Variants in CATSPERD observed in about 807,000 individuals in gnomAD.
CATSPERD encodes the protein catsper channel auxiliary subunit delta.
In CATSPERD, 86 loss-of-function variants were observed where a neutral mutation model predicts 98.1. The ratio of observed to expected loss-of-function variants is 0.88; its 90% confidence interval spans 0.74 to 1.05. CATSPERD has a LOEUF of 1.05. Ranked by LOEUF, CATSPERD falls within the 50% of genes least tolerant of loss-of-function variation. The pLI, the probability that CATSPERD is intolerant of heterozygous loss-of-function variation, is 0.00. For synonymous variants in CATSPERD, 394 were observed against 390.2 expected (o/e 1.01, Z -0.12); for missense variants, 995 against 1,005.7 (o/e 0.99, Z 0.14).
intron 16 of CATSPERD, among the ~76,000 whole-genome samples, chr19:5,765,035 C>CT (rs1310361674): frequency 2.0e-5 from 3 of 152,102 alleles, no homozygotes; most frequent in African/African-American, 7.2e-5. Flanking sequence ...CTCAGCCTCT[C>CT]AAGTAGCTGG....
chr19:5,720,661 A>G lies in CATSPERD; in HGVS notation c.-77A>G, dbSNP rs2055436925. On this transcript the variant is annotated 5_prime_UTR_variant, in exon 1 of 22. Coordinates refer to ENST00000381624, the MANE Select transcript of CATSPERD (RefSeq NM_152784.4). ...CATTGATGCGCATGCGCAGGGCTTC[A>G]GCCTGCACGTACTCGGATTGTGCAG... The G allele has an allele frequency of 6.4e-6, 9 of 1,408,108 alleles. No homozygotes were observed. The highest frequency in any genetic ancestry group is 5.9e-6 in the Non-Finnish European group (6 of 1,018,820). The allele number at this position is 1,408,108 out of a possible 1,614,324, so 87.2% of individuals were successfully genotyped here.
intron 4 of CATSPERD, 101 bp from the exon 5 acceptor site, chr19:5,733,755 C>T: frequency 1.2e-6 from 1 of 819,428 alleles, no homozygotes; most frequent in South Asian, 1.5e-5. Flanking sequence ...CGCGCCCGTC[C>T]ATACATTTTT....
At chr19:5,765,354 C>T (rs1015850190) in intron 16 of CATSPERD, among the ~76,000 whole-genome samples, 1 of 147,152 alleles carries the variant, frequency 6.8e-6, no homozygotes, top group South Asian at 2.1e-4. Context: ...CCCCCAATTG[C>T]TCTCTCTGTC....
intron 11 of CATSPERD, 58 bp downstream of exon 11, chr19:5,749,241 C>A (rs183774297): frequency 1.5e-6 from 2 of 1,314,358 alleles, no homozygotes; most frequent in Non-Finnish European, 2.1e-6. Context: ...CCTGTCATCC[C>A]AGCACTTTGG....
At position 5,751,743 on chromosome 19, in the gene CATSPERD, C is replaced by G; in HGVS notation, c.1084C>G (p.Pro362Ala). 1 of 1,613,870 alleles carries G rather than the reference C, an allele frequency of 6.2e-7. No individual in the cohort carries two copies. Residue 362 changes from proline (P) to alanine (A), a missense_variant, in exon 12 of 22, where the codon CCA (proline) becomes GCA (alanine). This residue lies in a region of CATSPERD where 762 missense variants were observed against 773.7 expected (regional missense o/e 0.98). Transcript: ENST00000381624. Reference sequence around the variant, plus strand: ...GACCCCACTGCGTGACACAGCCTTTCCAGCTTTTGATTTCCAGAAGTGCCT... The same window carrying G: ...GACCCCACTGCGTGACACAGCCTTTGCAGCTTTTGATTTCCAGAAGTGCCT... ...ILTPLRDTAF[P>A]AFDFQKCLVN...
chr19:5,775,648 C>CAAAAAAA (rs1156270373), intron 20 of CATSPERD, among the ~76,000 whole-genome samples: 1 of 61,484 alleles, frequency 1.6e-5, no homozygotes, highest in African/African-American at 5.4e-5. Context: ...AACCCCATCT[C>CAAAAAAA]AAAAAAAAAA....
intron 7 of CATSPERD, among the ~76,000 whole-genome samples, chr19:5,739,838 C>CAAAAAAAAAAAAAA (rs1186618349): frequency 5.5e-5 from 2 of 36,556 alleles, no homozygotes; most frequent in African/African-American, 2.5e-4. Context: ...GACCTCATCT[C>CAAAAAAAAAAAAAA]AAAAAAAAAA....
intron 20 of CATSPERD, among the ~76,000 whole-genome samples, chr19:5,775,511 C>T (rs559432984): frequency 2.7e-5 from 4 of 149,994 alleles, no homozygotes; most frequent in Non-Finnish European, 4.4e-5. Flanking sequence ...TTGCTGGCCA[C>T]GGTGGCGGGC....
intron 14 of CATSPERD, among the ~76,000 whole-genome samples, chr19:5,758,418 G>C (rs2056367615): frequency 6.6e-6 from 1 of 152,006 alleles, no homozygotes; most frequent in African/African-American, 2.4e-5. Context: ...CCTTTCACAG[G>C]CGGTGGGACT....
chr19:5,735,075 C>T (rs1340087390), intron 5 of CATSPERD, among the ~76,000 whole-genome samples: 1 of 152,110 alleles, frequency 6.6e-6, no homozygotes, highest in Non-Finnish European at 1.5e-5. Flanking sequence ...AAGAGGATCG[C>T]CTGAGCCCAG....
At chr19:5,761,637 G>A (rs1192202215) in intron 15 of CATSPERD, among the ~76,000 whole-genome samples, 1 of 8,636 alleles carries the variant, frequency 1.2e-4, no homozygotes, top group African/African-American at 2.9e-4. Context: ...AACAAGGCAT[G>A]TCTTCTCATG....
intron 8 of CATSPERD, among the ~76,000 whole-genome samples, chr19:5,745,055 G>A (rs542523277): frequency 1.2e-3 from 178 of 152,030 alleles, no homozygotes; most frequent in African/African-American, 4.2e-3. Flanking sequence ...TGATTCTTGT[G>A]CTTCAGCCTC....
At chr19:5,774,515 C>A (rs2056706590) in intron 20 of CATSPERD, among the ~76,000 whole-genome samples, 1 of 147,620 alleles carries the variant, frequency 6.8e-6, no homozygotes, top group Non-Finnish European at 1.5e-5. Context: ...ATGGCAAAAC[C>A]CCGTCTCTAC....
rs1381152474 is a variant in CATSPERD at position 5,778,698 on chromosome 19, C to T, written c.*22C>T. On this transcript the variant is annotated 3_prime_UTR_variant, in exon 22 of 22. Transcript: ENST00000381624. Reference sequence around the variant, plus strand: ...CTGAGGCCGGTCCACAGGGTCCCAACCCCTTGTCTTCAAATAAAGTATAAT... The same window carrying T: ...CTGAGGCCGGTCCACAGGGTCCCAATCCCTTGTCTTCAAATAAAGTATAAT... The T allele has an allele frequency of 1.3e-6, 2 of 1,586,270 alleles. No homozygotes were observed. The highest frequency in any genetic ancestry group is 1.8e-5 in the Admixed American group (1 of 55,354).
intron 1 of CATSPERD, among the ~76,000 whole-genome samples, chr19:5,722,364 A>C (rs1307412485): frequency 6.6e-6 from 1 of 151,722 alleles, no homozygotes; most frequent in Non-Finnish European, 1.5e-5. Context: ...CTCGTGATTC[A>C]CTTGCCTCGG....
In CATSPERD at chr19:5,751,843, T is replaced by C. The variant is rs1233814101; in HGVS notation, c.1164+20T>C. On this transcript the variant is annotated intron_variant, in intron 12 of 21. Transcript: ENST00000381624. ...TGCAAGGTATGTGATCCTAACTGTT[T>C]TGATCAATGTTCAATGTAGTTTTTA... is the stretch of plus-strand genomic sequence containing the variant. The C allele has an allele frequency of 6.3e-7, 1 of 1,594,624 alleles. No individual in the cohort carries two copies. The highest frequency in any genetic ancestry group is 1.3e-5 in the African/African-American group (1 of 74,188).
intron 1 of CATSPERD, among the ~76,000 whole-genome samples, chr19:5,721,308 TC>T (rs1234225714): frequency 6.6e-6 from 1 of 150,970 alleles, no homozygotes; most frequent in African/African-American, 2.4e-5. Context: ...GGCCTAGCCC[TC>T]CCACTTCTTT....
In CATSPERD at chr19:5,771,036, T is replaced by C. The variant is rs1037774940; in HGVS notation, c.1727T>C (p.Val576Ala). 3 of 1,614,050 alleles carry C rather than the reference T, an allele frequency of 1.9e-6. No individual in the cohort carries two copies. The highest frequency in any genetic ancestry group is 2.5e-6 in the Non-Finnish European group (3 of 1,179,978). Reference protein sequence around the residue: ...SYQQLGCPLLVYYDTLWKPVV... With the variant: ...SYQQLGCPLLAYYDTLWKPVV... ...CAGCAGCTGGGCTGTCCTCTCCTCGTCTACTATGACACCCTATGGAAGCCC... is the reference window on the plus strand; with the variant it reads ...CAGCAGCTGGGCTGTCCTCTCCTCGCCTACTATGACACCCTATGGAAGCCC... Residue 576 changes from valine to alanine, a missense_variant, in exon 19 of 22, where the codon GTC (valine) becomes GCC (alanine). Val to Ala is a moderately conservative substitution (Grantham distance 64). This residue lies in a region of CATSPERD where 762 missense variants were observed against 773.7 expected (regional missense o/e 0.98). Coordinates refer to ENST00000381624, the MANE Select transcript of CATSPERD (RefSeq NM_152784.4).
chr19:5,742,338 A>G lies in CATSPERD; in HGVS notation c.574-2089A>G, dbSNP rs376341320. Among the ~76,000 whole-genome samples the G allele has an allele frequency of 2.5e-5, 3 of 117,760 alleles. No individual in the cohort carries two copies. In the East Asian group the frequency reaches 6.1e-4, roughly 24 times the overall value. The allele number at this position is 117,760 out of a possible 152,430, so 77.3% of individuals were successfully genotyped here. On this transcript the variant is annotated intron_variant, in intron 7 of 21. Coordinates refer to ENST00000381624, the MANE Select transcript of CATSPERD (RefSeq NM_152784.4). ...TGTGGGTGTGCGTGTGCATGTGTGT[A>G]CATGTGTGTGTGTGCATGTATGTTT...
Sources: gnomAD v4.1 joint callset for allele counts (sites outside exome capture counted in the v4.1 genomes callset) on GRCh38, gnomAD v4.1.1 for gene constraint, gnomAD v4.1.1 regional missense constraint, MANE v1.5 for transcripts, NCBI Gene and HGNC (gene_info 2026-07-23, HGNC 2026-07-21) for gene names.